The following DNAH3 variants were observed in gnomAD, a reference collection of about 807,000 sequenced individuals.
DNAH3 encodes the protein dynein axonemal heavy chain 3.
DNAH3 carries 332 observed loss-of-function variants against 432.5 expected under a neutral mutation model. The observed-to-expected ratio is 0.77, with a 90% CI of 0.70 to 0.84. DNAH3 has a LOEUF of 0.84. DNAH3 is among the 40% of genes least tolerant of loss of function. DNAH3 has a pLI of 0.00. For missense variants in DNAH3, 4,861 were observed against 5,114.0 expected (o/e 0.95, Z 1.51); for synonymous variants, 1,956 against 1,900.2 (o/e 1.03, Z -0.76).
intron 11 of DNAH3, among the ~76,000 whole-genome samples, chr16:21,117,788 G>A (rs1014805259): frequency 9.9e-5 from 15 of 152,122 alleles, no homozygotes; most frequent in East Asian, 7.7e-4. Context: ...ATATCCCCAG[G>A]GCCTAGCAAA....
intron 17 of DNAH3, among the ~76,000 whole-genome samples, chr16:21,097,765 G>C (rs1477644117): frequency 6.6e-6 from 1 of 152,166 alleles, no homozygotes; most frequent in African/African-American, 2.4e-5. Context: ...CTCTATGACA[G>C]CCATATCTCC....
At chr16:21,052,644 A>T (rs1011324309) in intron 28 of DNAH3, among the ~76,000 whole-genome samples, 3 of 152,242 alleles carry the variant, frequency 2.0e-5, no homozygotes, top group African/African-American at 4.8e-5. Flanking sequence ...CTACAGCTAG[A>T]CACAATAGAG....
chr16:21,096,498 T>C (rs540480626), intron 18 of DNAH3, among the ~76,000 whole-genome samples: 3 of 151,876 alleles, frequency 2.0e-5, no homozygotes, highest in Non-Finnish European at 4.4e-5. Flanking sequence ...ATGGCTTTGA[T>C]TGTAATCTAC....
chr16:21,134,077 G>T, intron 7 of DNAH3, 182 bp downstream of exon 8: 1 of 568,240 alleles, frequency 1.8e-6, no homozygotes, highest in Non-Finnish European at 3.0e-6. Flanking sequence ...ACAAAGGAGG[G>T]CCACGTAAGC....
At position 20,941,389 on chromosome 16, in the gene DNAH3, CATCTGGCCCA is replaced by C; in HGVS notation, c.11654+2_11654+11del. On this transcript the variant is annotated splice_donor_variant and splice_donor_5th_base_variant and intron_variant, in intron 59 of 61. Coordinates refer to ENST00000261383, the Ensembl canonical transcript of DNAH3. LOFTEE classifies it high-confidence loss of function. ...CCAACTCCCAGGATTCAAGCTACAT[CATCTGGCCCA>C]CCTGTTGAATCTGATGAGCTCCTGC... 6.2e-7 allele frequency: 1 copy of C among 1,613,678 alleles called. No homozygotes were observed. The highest frequency in any genetic ancestry group is 8.5e-7 in the Non-Finnish European group (1 of 1,179,764).
intron 1 of DNAH3, among the ~76,000 whole-genome samples, chr16:21,156,957 C>T (rs1349431292): frequency 6.7e-6 from 1 of 150,210 alleles, no homozygotes; most frequent in Non-Finnish European, 1.5e-5. Flanking sequence ...AAGCAACTTC[C>T]ATTTAGGGAA....
intron 7 of DNAH3, among the ~76,000 whole-genome samples, chr16:21,133,091 C>T (rs1007438934): frequency 1.3e-5 from 2 of 151,962 alleles, no homozygotes; most frequent in African/African-American, 4.8e-5. Flanking sequence ...GTGGCTTACA[C>T]CTGTAATCCC....
At chr16:21,115,873 A>T (rs557054001) in intron 12 of DNAH3, among the ~76,000 whole-genome samples, 1 of 152,254 alleles carries the variant, frequency 6.6e-6, no homozygotes, top group African/African-American at 2.4e-5. Flanking sequence ...AGGGCTTCCA[A>T]ATATGAGGCC....
In DNAH3 at chr16:20,988,780, T is replaced by C. The variant is rs546864242; in HGVS notation, c.6602-715A>G. 1.8e-4 allele frequency among the ~76,000 whole-genome samples: 27 copies of C among 152,298 alleles called. No homozygotes were observed. The South Asian group carries it at 5.0e-3, about 28-fold the overall frequency. On this transcript the variant is annotated intron_variant, in intron 44 of 61. Coordinates refer to ENST00000261383, the Ensembl canonical transcript of DNAH3. Reference sequence around the variant, plus strand: ...CCCCTCGCGGTGAGTGTTACAGCTCTTAAGGTGGCGCGTCTGGAGGTTGTT... The same window carrying C: ...CCCCTCGCGGTGAGTGTTACAGCTCCTAAGGTGGCGCGTCTGGAGGTTGTT...
At chr16:21,044,819 A>G (rs2089619240) in intron 31 of DNAH3, among the ~76,000 whole-genome samples, 1 of 110,676 alleles carries the variant, frequency 9.0e-6, no homozygotes, top group Middle Eastern at 3.6e-3. Flanking sequence ...TTTGTCATAG[A>G]TAGCTCTTAT....
At chr16:21,128,865 G>GAAA (rs766015503) in intron 7 of DNAH3, among the ~76,000 whole-genome samples, 4 of 55,804 alleles carry the variant, frequency 7.2e-5, no homozygotes, top group Non-Finnish European at 7.5e-5. Context: ...TCTCTACAAA[G>GAAA]AAAAAAAAAA....
intron 14 of DNAH3, among the ~76,000 whole-genome samples, chr16:21,111,366 A>C (rs991623639): frequency 2.6e-5 from 4 of 152,212 alleles, no homozygotes; most frequent in Admixed American, 6.5e-5. Context: ...ATTTGCCTGC[A>C]AGAAGACAAA....
chr16:21,068,237 C>T (rs2090642083), intron 23 of DNAH3, among the ~76,000 whole-genome samples: 1 of 150,726 alleles, frequency 6.6e-6, no homozygotes, highest in Non-Finnish European at 1.5e-5. Context: ...CCCAACGTTC[C>T]TGCTTTAGAG....
chr16:21,034,911 G>C (rs1269830722), intron 35 of DNAH3, among the ~76,000 whole-genome samples: 4 of 152,208 alleles, frequency 2.6e-5, no homozygotes, highest in African/African-American at 9.6e-5. Context: ...AAGTAGGGTT[G>C]ACATTCAGGT....
At chr16:21,005,128 C>G (rs1425731282) in intron 41 of DNAH3, among the ~76,000 whole-genome samples, 1 of 151,852 alleles carries the variant, frequency 6.6e-6, no homozygotes. Context: ...AATTTTCTTC[C>G]TCTTTCTCTT....
exon 26 of DNAH3, chr16:21,060,336 G>A (rs922923576): frequency 3.1e-6 from 5 of 1,613,878 alleles, no homozygotes; most frequent in Non-Finnish European, 3.4e-6. Flanking sequence ...CCACCTGCTG[G>A]AGCCACTTTT....
chr16:21,120,681 G>T, intron 11 of DNAH3: 2 of 1,361,002 alleles, frequency 1.5e-6, no homozygotes, highest in Non-Finnish European at 2.1e-6. Context: ...TTTCAAACCT[G>T]GTACAAACCA....
At chr16:21,138,953 T>C (rs2092681668) in intron 5 of DNAH3, among the ~76,000 whole-genome samples, 1 of 152,204 alleles carries the variant, frequency 6.6e-6, no homozygotes, top group Admixed American at 6.6e-5. Flanking sequence ...GAGATAATCA[T>C]AGAACCTGGG....
At chr16:21,152,110 T>G (rs1402506692) in intron 1 of DNAH3, among the ~76,000 whole-genome samples, 1 of 152,088 alleles carries the variant, frequency 6.6e-6, no homozygotes, top group East Asian at 1.9e-4. Flanking sequence ...GGTAGTCGCC[T>G]GTAATCCCAG....
Sources: gnomAD v4.1 joint callset for allele counts (sites outside exome capture counted in the v4.1 genomes callset) on GRCh38, gnomAD v4.1.1 for gene constraint, MANE v1.5 for transcripts, NCBI Gene and HGNC (gene_info 2026-07-23, HGNC 2026-07-21) for gene names.